Variants in NPAS4 observed in about 807,000 individuals in gnomAD.
NPAS4 encodes neuronal PAS domain protein 4, also known as neuronal PAS domain-containing protein 4.
NPAS4 carries 10 observed loss-of-function variants against 64.0 expected under a neutral mutation model. The ratio of observed to expected loss-of-function variants is 0.16; its 90% CI spans 0.10 to 0.26. The LOEUF is 0.26. NPAS4 is among the 10% of genes least tolerant of loss of function. The pLI, the probability that NPAS4 is intolerant of heterozygous loss-of-function variation, is 1.00. For synonymous variants in NPAS4, 441 were observed against 411.7 expected (o/e 1.07, Z -0.86); for missense variants, 886 against 992.6 (o/e 0.89, Z 1.44).
upstream of NPAS4, among the ~76,000 whole-genome samples, chr11:66,417,937 G>A (rs1590690908): frequency 6.6e-6 from 1 of 152,104 alleles, no homozygotes; most frequent in Admixed American, 6.5e-5. Flanking sequence ...CTCCAGACAG[G>A]TTTGGAGGCA....
chr11:66,425,897 GC>G, intron 7 of NPAS4, 63 bp from the exon 8 acceptor site: 2 of 1,223,838 alleles, frequency 1.6e-6, no homozygotes, highest in Non-Finnish European at 2.4e-6. Context: ...CACATTCTCA[GC>G]CCCAGGATCC....
At chr11:66,419,934 C>T (rs960454107), upstream of NPAS4, among the ~76,000 whole-genome samples, 1 of 152,188 alleles carries the variant, frequency 6.6e-6, no homozygotes, top group East Asian at 1.9e-4. Context: ...CTCAGCTGCT[C>T]CCCCATCTTG....
intron 1 of NPAS4, among the ~76,000 whole-genome samples, 177 bp from the exon 2 acceptor site, chr11:66,421,943 G>A (rs79994868): frequency 0.19 from 29,292 of 152,258 alleles, 3,421 homozygotes; most frequent in Admixed American, 0.3. Context: ...TGTGGGCTAT[G>A]GAGATACAGC....
At chr11:66,422,017 T>C (rs906063941) in intron 1 of NPAS4, 103 bp from the exon 2 acceptor site, 7 of 1,040,278 alleles carry the variant, frequency 6.7e-6, no homozygotes, top group Non-Finnish European at 8.6e-6. Flanking sequence ...GGCAGGTCCA[T>C]GAGAAATTCC....
In NPAS4 at chr11:66,424,502, T is replaced by A; in HGVS notation, c.1612T>A (p.Phe538Ile). Reference sequence around the variant, plus strand: ...ACAGCTGACTCCTCCCAGCACAGCATTCCAAGCACACCTGGACAGCCCCAG... The same window carrying A: ...ACAGCTGACTCCTCCCAGCACAGCAATCCAAGCACACCTGGACAGCCCCAG... ...HEQLTPPSTA[F>I]QAHLDSPSQT... Residue 538 changes from phenylalanine to isoleucine, a missense_variant, in exon 7 of 8, where the codon TTC (phenylalanine) becomes ATC (isoleucine). Physicochemically the swap from Phe to Ile is conservative, Grantham distance 21. Around this residue, in one of 3 missense-constraint regions of NPAS4, gnomAD observed 820 missense variants for 855.5 expected, o/e 0.96. Transcript: ENST00000311034. The A allele has an allele frequency of 1.2e-6, 2 of 1,614,142 alleles. No homozygotes were observed. Among genetic ancestry groups the A allele is most frequent in the Non-Finnish European group, 1.7e-6 (2 of 1,180,024 alleles).
upstream of NPAS4, among the ~76,000 whole-genome samples, chr11:66,418,129 T>A (rs1196541840): frequency 1.3e-5 from 2 of 151,988 alleles, no homozygotes; most frequent in Non-Finnish European, 2.9e-5. Flanking sequence ...TGCTCTCCCA[T>A]TCCTTCTACA....
chr11:66,409,360 C>G, the NPAS4 span: 1 of 151,928 alleles, frequency 6.6e-6, no homozygotes, highest in Non-Finnish European at 1.5e-5. Flanking sequence ...CCCTGCTCCT[C>G]CAACAGGGGA....
chr11:66,409,675 A>G, the NPAS4 span, among the ~76,000 whole-genome samples: 2 of 152,344 alleles, frequency 1.3e-5, no homozygotes, highest in East Asian at 1.9e-4. Context: ...CTAGGGCCAC[A>G]TGGCACGTTC....
Position 66,424,153 on chromosome 11 carries a change from G to A in NPAS4, c.1263G>A (p.Val421=), listed in dbSNP as rs766722157. The change falls in exon 7 of 8, where the codon GTG becomes GTA. Residue 421 remains valine (V), a synonymous_variant. Coordinates refer to ENST00000311034, the MANE Select transcript of NPAS4 (RefSeq NM_178864.4). ...AAGCAGAACTAAGCAAGGATCTTGT[G>A]TGCACTCCACCTTACACGCCCCATC... ...SLQAELSKDL[V]CTPPYTPHQP... is the part of the protein sequence containing the mutation. 10 of 1,613,992 alleles carry A rather than the reference G, an allele frequency of 6.2e-6. No individual in the cohort carries two copies. Among genetic ancestry groups the A allele is most frequent in the Non-Finnish European group, 8.5e-6 (10 of 1,180,008 alleles).
chr11:66,422,379 C>A, intron 2 of NPAS4, 72 bp from the exon 3 acceptor site: 1 of 1,478,582 alleles, frequency 6.8e-7, no homozygotes, highest in South Asian at 1.1e-5. Context: ...TTATACCCTA[C>A]AAGATACTGT....
chr11:66,424,509 C>T lies in NPAS4; in HGVS notation c.1619C>T (p.Ala540Val), dbSNP rs761770844. 1.2e-6 allele frequency: 2 copies of T among 1,614,150 alleles called. No individual in the cohort carries two copies. The highest frequency in any genetic ancestry group is 1.7e-6 in the Non-Finnish European group (2 of 1,180,026). ...QLTPPSTAFQ[A>V]HLDSPSQTFP... is the part of the protein sequence containing the mutation. The stretch of plus-strand genomic sequence containing the variant: ...ACTCCTCCCAGCACAGCATTCCAAG[C>T]ACACCTGGACAGCCCCAGCCAAACC... The change falls in exon 7 of 8, where the codon GCA becomes GTA. Residue 540 changes from alanine (A) to valine (V), a missense_variant. Transcript: ENST00000311034.
In NPAS4 at chr11:66,424,924, C is replaced by A. The variant is rs758994743; in HGVS notation, c.2034C>A (p.Gly678=). 1 of 1,613,430 alleles carries A rather than the reference C, an allele frequency of 6.2e-7. No homozygotes were observed. The highest frequency in any genetic ancestry group is 1.3e-5 in the African/African-American group (1 of 74,924). ...LDSNLSLSGA[G]PPVLSLDLKP... is the part of the protein sequence containing the mutation. The stretch of plus-strand genomic sequence containing the variant: ...CCAACCTGTCCCTGTCAGGGGCAGG[C>A]CCCCCTGTGCTCAGCCTGGACCTGA... Residue 678 remains glycine, a synonymous_variant, in exon 7 of 8, where the codon GGC becomes GGA. Transcript: ENST00000311034.
At chr11:66,418,495 G>A (rs1421392067), upstream of NPAS4, among the ~76,000 whole-genome samples, 1 of 152,182 alleles carries the variant, frequency 6.6e-6, no homozygotes, top group African/African-American at 2.4e-5. Context: ...GGCAAGGGGA[G>A]TGGGAGCTGG....
At position 66,426,129 on chromosome 11, in the gene NPAS4, TG is replaced by T. The variant is rs3215144; in HGVS notation, c.*150del. On this transcript the variant is annotated 3_prime_UTR_variant, in exon 8 of 8. Transcript: ENST00000311034. ...TGATTCCCCAGGCCCTGCAGGATTT[TG>T]GGGGGGGGGAGGTGGGAGGGCAAGG... is the stretch of plus-strand genomic sequence containing the variant. The T allele has an allele frequency of 0.28, 88,486 of 314,596 alleles. 10,798 individuals carry two copies. The highest frequency in any genetic ancestry group is 0.38 in the Admixed American group (10,056 of 26,378). 19.5% of individuals were successfully genotyped at this position (314,596 alleles called of 1,614,324 possible).
intron 1 of NPAS4, among the ~76,000 whole-genome samples, chr11:66,421,748 C>CG (rs1392504991): frequency 7.2e-5 from 11 of 152,356 alleles, no homozygotes; most frequent in East Asian, 3.9e-4. Flanking sequence ...CTGTCGCCTT[C>CG]GGGGCGCTGC....
In NPAS4 at chr11:66,423,839, A is replaced by G. The variant is rs76159120; in HGVS notation, c.949A>G (p.Met317Val). The G allele has an allele frequency of 1.2e-6, 2 of 1,607,888 alleles. No individual in the cohort carries two copies. Among genetic ancestry groups the G allele is most frequent in the East Asian group, 4.5e-5 (2 of 44,820 alleles). ...TGCCTCTTCTCTCCTCTCCAGTGACATGGAAGCCTGGAGCCTCCGCCAGCA... is the reference window on the plus strand; with the variant it reads ...TGCCTCTTCTCTCCTCTCCAGTGACGTGGAAGCCTGGAGCCTCCGCCAGCA... ...ITANNYPISDMEAWSLRQQLN... is the reference protein window; with the variant it reads ...ITANNYPISDVEAWSLRQQLN... Residue 317 changes from methionine to valine, a missense_variant, in exon 7 of 8, where the codon ATG becomes GTG. Met to Val is a conservative substitution (Grantham distance 21). Coordinates refer to ENST00000311034, the MANE Select transcript of NPAS4 (RefSeq NM_178864.4).
intron 1 of NPAS4, among the ~76,000 whole-genome samples, chr11:66,421,840 C>T (rs1419720347): frequency 1.3e-5 from 2 of 152,170 alleles, no homozygotes; most frequent in Non-Finnish European, 2.9e-5. Context: ...GCTCTGTCCG[C>T]GGTTCTGAAA....
Position 66,426,408 on chromosome 11 carries a change from C to G in NPAS4, c.*419C>G, listed in dbSNP as rs991108728. The G allele has an allele frequency of 5.8e-6, 1 of 171,218 alleles. No homozygotes were observed. Among genetic ancestry groups the G allele is most frequent in the South Asian group, 1.5e-4 (1 of 6,576 alleles). The allele number at this position is 171,218 out of a possible 1,614,324, so 10.6% of individuals were successfully genotyped here. ...TGCCCTGAGGGGCTCTTGACACCCA[C>G]GTAGAATTCTCTACACACCAGTAAC... is the stretch of plus-strand genomic sequence containing the variant. On this transcript the variant is annotated 3_prime_UTR_variant, in exon 8 of 8. Coordinates refer to ENST00000311034, the MANE Select transcript of NPAS4 (RefSeq NM_178864.4).
Position 66,422,920 on chromosome 11 carries a change from C to T in NPAS4, c.677C>T (p.Ala226Val), listed in dbSNP as rs1387372421. The T allele has an allele frequency of 2.5e-6, 4 of 1,606,170 alleles. No individual in the cohort carries two copies. The highest frequency in any genetic ancestry group is 3.4e-6 in the Non-Finnish European group (4 of 1,179,952). Residue 226 changes from alanine (A) to valine (V), a missense_variant, in exon 4 of 8, where the codon GCT becomes GTT. Ala to Val is a moderately conservative substitution (Grantham distance 64). Transcript: ENST00000311034. ...CAGAGCCGCCATGCTAAAGACCTGG[C>T]TCTACTGGACATCTCCGAGAGGTAA... is the stretch of plus-strand genomic sequence containing the variant. ...MFQSRHAKDL[A>V]LLDISESVLI...
Sources: gnomAD v4.1 joint callset for allele counts (sites outside exome capture counted in the v4.1 genomes callset) on GRCh38, gnomAD v4.1.1 for gene constraint, gnomAD v4.1.1 regional missense constraint, MANE v1.5 for transcripts, NCBI Gene and HGNC (gene_info 2026-07-23, HGNC 2026-07-21) for gene names.